NWD1: variants seen among roughly 807,000 people sequenced by gnomAD.
NWD1 encodes the protein NACHT and WD repeat domain containing 1.
A neutral mutation model predicts 135.1 loss-of-function variants in NWD1; 129 were observed. The ratio of observed to expected loss-of-function variants is 0.96; its 90% CI spans 0.83 to 1.11. The LOEUF (loss-of-function observed/expected upper bound fraction) is 1.11, where lower values mean the gene tolerates loss of function less well. Ranked by LOEUF, NWD1 falls within the 50% of genes least tolerant of loss-of-function variation. The probability of loss-of-function intolerance (pLI) is 0.00; values close to 1 mark genes in which losing one functional copy is unlikely to be tolerated. For synonymous variants in NWD1, 773 were observed against 786.0 expected (o/e 0.98, Z 0.28); for missense variants, 1,740 against 1,851.3 (o/e 0.94, Z 1.10).
chr19:16,743,107 CA>C (rs899339269), intron 4 of NWD1, among the ~76,000 whole-genome samples: 9 of 151,648 alleles, frequency 5.9e-5, no homozygotes, highest in African/African-American at 1.9e-4. Flanking sequence ...GGGGTTTCAC[CA>C]TGTTGGCCAG....
rs1241836467 is a variant in NWD1 at position 16,744,561 on chromosome 19, T to C, written c.339T>C (p.Asn113=). The change falls in exon 5 of 19, where the codon AAT becomes AAC. Residue 113 remains asparagine, a synonymous_variant. Coordinates refer to ENST00000524140, the MANE Select transcript of NWD1 (RefSeq NM_001007525.5). The stretch of plus-strand genomic sequence containing the variant: ...CACGATACTTCCAGAGGGACGAGAA[T>C]GCGTTTCCTCCCACCTACGTCCTGC... ...LVARYFQRDE[N]AFPPTYVLQA... 6.5e-7 allele frequency: 1 copy of C among 1,535,488 alleles called. No homozygotes were observed. Among genetic ancestry groups the C allele is most frequent in the Non-Finnish European group, 8.7e-7 (1 of 1,146,648 alleles).
chr19:16,794,721 A>G (rs112273150), intron 15 of NWD1, among the ~76,000 whole-genome samples, 168 bp downstream of exon 15: 1 of 152,224 alleles, frequency 6.6e-6, no homozygotes, highest in South Asian at 2.1e-4. Context: ...AGACAACCTC[A>G]GTTGCAAAGA....
chr19:16,772,515 G>A (rs1338778042), intron 10 of NWD1, among the ~76,000 whole-genome samples: 19 of 152,154 alleles, frequency 1.2e-4, no homozygotes, highest in Non-Finnish European at 2.5e-4. Flanking sequence ...GCCTGGTGGC[G>A]GGCACCTGTA....
At chr19:16,750,579 G>T (rs1267396635) in intron 6 of NWD1, among the ~76,000 whole-genome samples, 168 bp downstream of exon 6, 1 of 149,322 alleles carries the variant, frequency 6.7e-6, no homozygotes, top group Admixed American at 6.7e-5. Flanking sequence ...CTCACCTGCT[G>T]AGTAGCTGGG....
chr19:16,746,223 G>A (rs978395688), intron 5 of NWD1, among the ~76,000 whole-genome samples: 34 of 152,062 alleles, frequency 2.2e-4, no homozygotes, highest in Admixed American at 5.9e-4. Flanking sequence ...AGTTGGGTGT[G>A]GTGGTGCACA....
At chr19:16,797,704 G>T (rs369400102) in intron 15 of NWD1, 28 bp from the exon 16 acceptor site, 1 of 1,606,592 alleles carries the variant, frequency 6.2e-7, no homozygotes, top group Non-Finnish European at 8.5e-7. Context: ...GGACATGAGA[G>T]GTGTAACCCC....
At chr19:16,733,169 T>A (rs1967649197) in intron 3 of NWD1, among the ~76,000 whole-genome samples, 1 of 151,482 alleles carries the variant, frequency 6.6e-6, no homozygotes. Context: ...TGCAGTGAGC[T>A]GTGATGGAGC....
In NWD1 at chr19:16,750,364, C is replaced by T. The variant is rs746626487; in HGVS notation, c.1722C>T (p.His574=). The change falls in exon 6 of 19, where the codon CAC becomes CAT. Residue 574 remains histidine, a synonymous_variant. Coordinates refer to ENST00000524140, the MANE Select transcript of NWD1 (RefSeq NM_001007525.5). ...HQLCTRLEQT[H]GQLLVAHVLG... ...TCTGCACCCGCCTGGAGCAGACACA[C>T]GGGCAGCTCCTCGTGGCCCACGTGC... 51 of 1,605,064 alleles carry T rather than the reference C, an allele frequency of 3.2e-5. No individual in the cohort carries two copies. Among genetic ancestry groups the T allele is most frequent in the Non-Finnish European group, 4.1e-5 (48 of 1,176,550 alleles).
chr19:16,757,294 A>G (rs1968835300), intron 6 of NWD1, among the ~76,000 whole-genome samples: 1 of 151,940 alleles, frequency 6.6e-6, no homozygotes, highest in Non-Finnish European at 1.5e-5. Context: ...AACATCAACC[A>G]TGCGAGCCCA....
At chr19:16,780,261 T>C (rs1969810553) in intron 12 of NWD1, among the ~76,000 whole-genome samples, 1 of 151,770 alleles carries the variant, frequency 6.6e-6, no homozygotes, top group African/African-American at 2.4e-5. Context: ...GTTCACGCCA[T>C]TCTCCTGCCT....
intron 15 of NWD1, 85 bp from the exon 16 acceptor site, chr19:16,797,647 C>A: frequency 7.5e-7 from 1 of 1,328,394 alleles, no homozygotes; most frequent in Non-Finnish European, 1.1e-6. Context: ...CACATCCGGC[C>A]TCCAAAACAC....
At chr19:16,796,849 A>C (rs1599548552) in intron 15 of NWD1, among the ~76,000 whole-genome samples, 1 of 152,070 alleles carries the variant, frequency 6.6e-6, no homozygotes, top group Non-Finnish European at 1.5e-5. Flanking sequence ...AGGAACTTAC[A>C]GTTTCATTAT....
At position 16,779,251 on chromosome 19, in the gene NWD1, T is replaced by G. The variant is rs1318828726; in HGVS notation, c.2609-92T>G. 4 of 1,441,628 alleles carry G rather than the reference T, an allele frequency of 2.8e-6. No homozygotes were observed. The African/African-American group carries it at 5.6e-5, about 20-fold the overall frequency. 89.3% of individuals were successfully genotyped at this position (1,441,628 alleles called of 1,614,324 possible). A position where few individuals can be genotyped will look rare whatever the true frequency, so the allele number is the denominator to read the frequency against. Reference sequence around the variant, plus strand: ...ATCTCTCTGTGCCTCAGTTGTCTTATCTGTGAAGTGGGGGGCTCATTAGAG... The same window carrying G: ...ATCTCTCTGTGCCTCAGTTGTCTTAGCTGTGAAGTGGGGGGCTCATTAGAG... On this transcript the variant is annotated intron_variant, in intron 11 of 18. Coordinates refer to ENST00000524140, the MANE Select transcript of NWD1 (RefSeq NM_001007525.5).
At chr19:16,780,463 G>C (rs751026608) in intron 12 of NWD1, among the ~76,000 whole-genome samples, 2 of 152,088 alleles carry the variant, frequency 1.3e-5, no homozygotes, top group Non-Finnish European at 2.9e-5. Flanking sequence ...GCCAAAGGCA[G>C]GGTTTCAAGA....
rs144808399 is a variant in NWD1 at position 16,749,270 on chromosome 19, C to A, written c.628C>A (p.Arg210=). ...LEDCALRMVD[R]LADGCLDADA... is the part of the protein sequence containing the mutation. ...AGACTGCGCCCTTAGGATGGTGGAC[C>A]GGCTCGCGGATGGCTGCCTGGACGC... The change falls in exon 6 of 19, where the codon CGG becomes AGG. Residue 210 remains arginine (R), a synonymous_variant. Coordinates refer to ENST00000524140, the MANE Select transcript of NWD1 (RefSeq NM_001007525.5). 1 of 1,614,042 alleles carries A rather than the reference C, an allele frequency of 6.2e-7. No individual in the cohort carries two copies. Among genetic ancestry groups the A allele is most frequent in the South Asian group, 1.1e-5 (1 of 91,072 alleles).
chr19:16,807,678 G>T lies in NWD1; in HGVS notation c.3829G>T (p.Gly1277Trp). The change falls in exon 18 of 19, where the codon GGG becomes TGG. Residue 1277 changes from glycine to tryptophan, a missense_variant. By Grantham distance (184) the Gly-to-Trp change is radical. Transcript: ENST00000524140. ...RKLLFTGLVS[G>W]VVLVFPLNSR... ...GCTCCTATTTACGGGCCTCGTGTCG[G>T]GGGTCGTCCTTGTGTTCCCCCTGAA... The T allele has an allele frequency of 6.2e-7, 1 of 1,611,390 alleles. No individual in the cohort carries two copies.
intron 3 of NWD1, among the ~76,000 whole-genome samples, chr19:16,732,890 G>A (rs11670068): frequency 0.58 from 88,042 of 151,476 alleles, 26,311 homozygotes; most frequent in African/African-American, 0.66. Flanking sequence ...CCTCCTTGCT[G>A]CTTATGAGAA....
intron 11 of NWD1, among the ~76,000 whole-genome samples, chr19:16,773,923 C>T (rs113429819): frequency 0.013 from 1,847 of 145,476 alleles, 55 homozygotes; most frequent in African/African-American, 0.045. Context: ...CCCACCCATC[C>T]ATTCATCCAT....
intron 12 of NWD1, among the ~76,000 whole-genome samples, chr19:16,788,440 G>C (rs1338414474): frequency 6.7e-6 from 1 of 150,040 alleles, no homozygotes; most frequent in Non-Finnish European, 1.5e-5. Context: ...ATGGCGGCAG[G>C]TGCCTGTAAT....
Sources: allele counts gnomAD v4.1 joint callset (sites outside exome capture counted in the v4.1 genomes callset), GRCh38; gene constraint gnomAD v4.1.1; transcripts MANE v1.5; gene names NCBI Gene and HGNC (gene_info 2026-07-23, HGNC 2026-07-21).